Variants in FOXP1 observed in about 807,000 individuals in gnomAD.
FOXP1 encodes the protein forkhead box P1.
A neutral mutation model predicts 98.2 loss-of-function variants in FOXP1; 15 were observed. The observed-to-expected ratio is 0.15, with a 90% confidence interval of 0.10 to 0.24. The LOEUF is 0.24. FOXP1 is among the 10% of genes least tolerant of loss of function. The pLI, the probability that FOXP1 is intolerant of heterozygous loss-of-function variation, is 1.00. For missense variants in FOXP1, 633 were observed against 848.5 expected, an observed-to-expected ratio of 0.75 and a Z score of 3.15; for synonymous variants, 371 against 314.5, an observed-to-expected ratio of 1.18 and a Z score of -1.90.
At chr3:71,372,219 G>A (rs2568846) in intron 3 of FOXP1, among the ~76,000 whole-genome samples, 35,472 of 141,448 alleles carry the variant, frequency 0.25, 5,285 homozygotes, top group Middle Eastern at 0.37. Flanking sequence ...ACAGGGTTTT[G>A]CCTTGTTAGT....
At chr3:70,973,245 CCCCG>C (rs1473037093) in intron 17 of FOXP1, among the ~76,000 whole-genome samples, 8 of 133,224 alleles carry the variant, frequency 6.0e-5, no homozygotes, top group African/African-American at 1.5e-4. Context: ...CCCGCCCCCG[CCCCG>C]CCCCGCCCCG....
chr3:71,204,684 C>T (rs1358082099), intron 5 of FOXP1, among the ~76,000 whole-genome samples: 1 of 151,990 alleles, frequency 6.6e-6, no homozygotes, highest in Non-Finnish European at 1.5e-5. Flanking sequence ...AGGAAGCAGA[C>T]AGAAAGATGG....
chr3:71,243,143 A>G (rs1202492812), intron 5 of FOXP1, among the ~76,000 whole-genome samples: 1 of 152,206 alleles, frequency 6.6e-6, no homozygotes, highest in African/African-American at 2.4e-5. Context: ...AAACCTCTCT[A>G]AAAGCACAGA....
chr3:71,542,044 G>A (rs1461964877), intron 2 of FOXP1: 2 of 533,538 alleles, frequency 3.7e-6, no homozygotes. Flanking sequence ...TTTAAGAAAA[G>A]CCAGGGTCTG....
chr3:71,279,392 G>A (rs1432990142), intron 5 of FOXP1, among the ~76,000 whole-genome samples: 1 of 152,112 alleles, frequency 6.6e-6, no homozygotes, highest in Non-Finnish European at 1.5e-5. Context: ...ACTTGGCGAT[G>A]TCTACGGATA....
intron 4 of FOXP1, among the ~76,000 whole-genome samples, chr3:71,341,516 C>T (rs2077004948): frequency 6.6e-6 from 1 of 152,074 alleles, no homozygotes; most frequent in South Asian, 2.1e-4. Context: ...TGCCTGTAAT[C>T]CTAGCACTTT....
chr3:71,254,075 A>C (rs2068435542), intron 5 of FOXP1, among the ~76,000 whole-genome samples: 1 of 152,262 alleles, frequency 6.6e-6, no homozygotes. Flanking sequence ...ACAGTTAATA[A>C]TCTGTCAACC....
chr3:71,065,583 CT>C (rs1371060386), intron 7 of FOXP1: 1 of 152,216 alleles, frequency 6.6e-6, no homozygotes, highest in Non-Finnish European at 1.5e-5. Flanking sequence ...CCGAGGAAAA[CT>C]AAGCCGACGC....
intron 11 of FOXP1, among the ~76,000 whole-genome samples, chr3:71,018,407 T>C (rs2044846326): frequency 6.6e-6 from 1 of 152,182 alleles, no homozygotes; most frequent in Non-Finnish European, 1.5e-5. Context: ...TAAAAAAATT[T>C]CTTTATTATG....
intron 3 of FOXP1, among the ~76,000 whole-genome samples, chr3:71,466,996 A>T (rs1259662671): frequency 6.6e-6 from 1 of 152,180 alleles, no homozygotes; most frequent in African/African-American, 2.4e-5. Context: ...TGGGTTGGGG[A>T]GCCAGCCCAA....
At chr3:71,472,819 C>T (rs1232420975) in intron 3 of FOXP1, among the ~76,000 whole-genome samples, 2 of 152,350 alleles carry the variant, frequency 1.3e-5, no homozygotes, top group Middle Eastern at 3.4e-3. Context: ...TATTCAAACT[C>T]CCCAAGATAT....
chr3:70,956,489 G>GTT lies in FOXP1; in HGVS notation c.*2756_*2757dup. The GTT allele has an allele frequency of 1.9e-5, 4 of 208,868 alleles. No individual in the cohort carries two copies. The highest frequency in any genetic ancestry group is 1.9e-5 in the Non-Finnish European group (2 of 105,538). 12.9% of individuals were successfully genotyped at this position (208,868 alleles called of 1,614,324 possible). On this transcript the variant is annotated 3_prime_UTR_variant, in exon 21 of 21. Coordinates refer to ENST00000649528, the MANE Select transcript of FOXP1 (RefSeq NM_001349338.3). Reference sequence around the variant, plus strand: ...ACGACTAAGTGCAACTGAGTGAAATGTTTTTTTTTTAAATTTTAATCATTC... The same window carrying GTT: ...ACGACTAAGTGCAACTGAGTGAAATGTTTTTTTTTTTTAAATTTTAATCATTC...
intron 3 of FOXP1, among the ~76,000 whole-genome samples, chr3:71,493,128 C>A (rs73093445): frequency 0.34 from 51,757 of 151,590 alleles, 9,709 homozygotes; most frequent in Non-Finnish European, 0.43. Context: ...TGTAATGGGA[C>A]CAAAAAAACA....
intron 11 of FOXP1, among the ~76,000 whole-genome samples, chr3:71,023,131 C>A (rs140386802): frequency 6.6e-6 from 1 of 152,238 alleles, no homozygotes; most frequent in African/African-American, 2.4e-5. Flanking sequence ...GACTTTCATC[C>A]GTCCAGCCAA....
chr3:71,200,083 C>CAAAA lies in FOXP1; in HGVS notation c.-11-1695_-11-1692dup, dbSNP rs61281811. ...AGCTACAGAGCGAGACTCCATCTCA[C>CAAAA]AAAAAAAAAAAAAAAAAAAAAAGAG... On this transcript the variant is annotated intron_variant, in intron 5 of 20. Coordinates refer to ENST00000649528, the MANE Select transcript of FOXP1 (RefSeq NM_001349338.3). 9.8e-3 allele frequency among the ~76,000 whole-genome samples: 732 copies of CAAAA among 74,816 alleles called. 39 individuals carry two copies. Among genetic ancestry groups the CAAAA allele is most frequent in the African/African-American group, 0.031 (579 of 18,474 alleles). 49.1% of individuals were successfully genotyped at this position (74,816 alleles called of 152,430 possible).
At chr3:71,404,346 C>T (rs1320520997) in intron 3 of FOXP1, among the ~76,000 whole-genome samples, 2 of 151,772 alleles carry the variant, frequency 1.3e-5, no homozygotes, top group Non-Finnish European at 2.9e-5. Context: ...AGGCTGGTCT[C>T]GAACTCCCCA....
At chr3:71,101,026 T>C (rs1053887810) in intron 7 of FOXP1, among the ~76,000 whole-genome samples, 3 of 152,100 alleles carry the variant, frequency 2.0e-5, no homozygotes, top group Non-Finnish European at 4.4e-5. Flanking sequence ...GAAAAAGTCT[T>C]TGCCAAAATC....
intron 10 of FOXP1, among the ~76,000 whole-genome samples, chr3:71,042,998 A>C (rs1221920023): frequency 6.6e-6 from 1 of 152,184 alleles, no homozygotes; most frequent in Non-Finnish European, 1.5e-5. Context: ...GGATTTTTTT[A>C]TATTCACCGT....
intron 9 of FOXP1, 77 bp from the exon 10 acceptor site, chr3:71,047,172 C>G (rs992140621): frequency 1.3e-6 from 2 of 1,521,624 alleles, no homozygotes; most frequent in Admixed American, 3.3e-5. Flanking sequence ...TCAAAACTCA[C>G]CATCATCATC....
Sources: gnomAD v4.1 joint callset for allele counts (sites outside exome capture counted in the v4.1 genomes callset) on GRCh38, gnomAD v4.1.1 for gene constraint, MANE v1.5 for transcripts, NCBI Gene and HGNC (gene_info 2026-07-23, HGNC 2026-07-21) for gene names.